The following SMYD3 variants were observed in gnomAD, a reference collection of about 807,000 sequenced individuals.
SMYD3 encodes histone-lysine N-methyltransferase SMYD3.
Under a neutral mutation model 57.7 loss-of-function variants are expected in SMYD3, and 36 were observed. That is an observed-to-expected ratio of 0.62 (90% CI 0.48 to 0.82). SMYD3 has a LOEUF of 0.82. SMYD3 is among the 40% of genes least tolerant of loss of function. The pLI is 0.00. For missense variants in SMYD3, 515 were observed against 538.8 expected (o/e 0.96, Z 0.44); for synonymous variants, 211 against 195.0 (o/e 1.08, Z -0.68).
At chr1:245,985,525 G>A (rs558865085) in intron 5 of SMYD3, among the ~76,000 whole-genome samples, 24 of 151,962 alleles carry the variant, frequency 1.6e-4, no homozygotes, top group Non-Finnish European at 2.8e-4. Context: ...ATGTCCTTAC[G>A]TCTCAAGCAC....
chr1:246,306,277 G>T (rs1191639627), intron 5 of SMYD3, among the ~76,000 whole-genome samples: 7 of 151,696 alleles, frequency 4.6e-5, no homozygotes, highest in Admixed American at 4.6e-4. Context: ...AGCCCAGGAG[G>T]CAGAGGTTGC....
rs1257084948 is a variant in SMYD3, at chr1:246,340,142, A to AT, written c.229-4669dup. Among the ~76,000 whole-genome samples the AT allele has an allele frequency of 2.6e-5, 4 of 151,852 alleles. No individual in the cohort carries two copies. The East Asian group carries it at 7.7e-4, about 29-fold the overall frequency. On this transcript the variant is annotated intron_variant, in intron 2 of 11. Coordinates refer to ENST00000490107, the MANE Select transcript of SMYD3 (RefSeq NM_001167740.2). ...ACAATTCTATAATTATCATTGAACT[A>AT]TTGTTCTATAGAAATAAATATTGTA... is the stretch of plus-strand genomic sequence containing the variant.
intron 10 of SMYD3, among the ~76,000 whole-genome samples, chr1:245,786,220 G>GGGC (rs1553321396): frequency 6.8e-6 from 1 of 146,540 alleles, no homozygotes; most frequent in Non-Finnish European, 1.5e-5. Context: ...GGACGGGGGG[G>GGGC]GGATGGTGGC....
chr1:246,365,046 A>G (rs1245693826), intron 1 of SMYD3, among the ~76,000 whole-genome samples: 1 of 152,198 alleles, frequency 6.6e-6, no homozygotes, highest in Non-Finnish European at 1.5e-5. Flanking sequence ...TAAAGCCAAT[A>G]CACAGTGACA....
At chr1:246,339,081 T>C (rs571136018) in intron 2 of SMYD3, among the ~76,000 whole-genome samples, 1 of 152,334 alleles carries the variant, frequency 6.6e-6, no homozygotes, top group African/African-American at 2.4e-5. Context: ...GAGCTCGTTT[T>C]TACATAATCC....
At chr1:246,016,310 C>T (rs1019927768) in intron 5 of SMYD3, among the ~76,000 whole-genome samples, 11 of 151,616 alleles carry the variant, frequency 7.3e-5, no homozygotes, top group Admixed American at 2.0e-4. Context: ...TGGCTGGGCG[C>T]GGTGGCTCAT....
intron 2 of SMYD3, among the ~76,000 whole-genome samples, chr1:246,336,932 A>C (rs2065553151): frequency 6.6e-6 from 1 of 152,232 alleles, no homozygotes; most frequent in Admixed American, 6.5e-5. Context: ...AACTGACAGA[A>C]AGTAAAAACA....
intron 5 of SMYD3, chr1:246,111,417 A>G (rs2061239203): frequency 6.6e-6 from 1 of 152,228 alleles, no homozygotes; most frequent in South Asian, 2.1e-4. Context: ...TTTCCATGCT[A>G]CACAAGCAAG....
Position 246,434,406 on chromosome 1 carries a change from G to A in SMYD3, c.164+72648C>T, listed in dbSNP as rs922157423. 7.2e-5 allele frequency among the ~76,000 whole-genome samples: 11 copies of A among 152,280 alleles called. No individual in the cohort carries two copies. The South Asian group carries it at 8.3e-4, about 11-fold the overall frequency. ...CTGTGAATTTGTCTATTTGTCATCC[G>A]ACAAAGGTCTAATATCCAAAATCTA... On this transcript the variant is annotated intron_variant, in intron 1 of 11. Coordinates refer to ENST00000490107, the MANE Select transcript of SMYD3 (RefSeq NM_001167740.2).
chr1:245,982,043 T>C (rs1426733849), intron 5 of SMYD3, among the ~76,000 whole-genome samples: 3 of 152,244 alleles, frequency 2.0e-5, no homozygotes, highest in Admixed American at 6.5e-5. Context: ...GCTCTTTACA[T>C]AGCCCAGAGA....
At chr1:246,000,596 T>A (rs2059021222) in intron 5 of SMYD3, among the ~76,000 whole-genome samples, 2 of 152,156 alleles carry the variant, frequency 1.3e-5, no homozygotes, top group African/African-American at 4.8e-5. Flanking sequence ...CTTCTCTCTG[T>A]TTCCCCCTCC....
intron 1 of SMYD3, among the ~76,000 whole-genome samples, chr1:246,383,169 C>G (rs965001233): frequency 6.6e-6 from 1 of 152,210 alleles, no homozygotes; most frequent in Non-Finnish European, 1.5e-5. Context: ...CCTCAGGAGG[C>G]GGAAAGAAGG....
At chr1:246,420,086 C>A (rs1338900216) in intron 1 of SMYD3, among the ~76,000 whole-genome samples, 1 of 152,004 alleles carries the variant, frequency 6.6e-6, no homozygotes, top group East Asian at 1.9e-4. Flanking sequence ...GTAGTCCCAG[C>A]TACTCGGGAG....
intron 5 of SMYD3, among the ~76,000 whole-genome samples, chr1:246,283,554 C>T (rs1017867690): frequency 7.9e-5 from 12 of 152,202 alleles, no homozygotes; most frequent in African/African-American, 2.2e-4. Flanking sequence ...GCATAAATAA[C>T]GTCCTCATTC....
chr1:246,114,193 G>A (rs34294155), intron 5 of SMYD3, among the ~76,000 whole-genome samples: 23,643 of 152,152 alleles, frequency 0.16, 3,419 homozygotes, highest in African/African-American at 0.39. Flanking sequence ...ATGTAATCAT[G>A]GAAATTGGAT....
rs766320282 is a variant in SMYD3 at position 245,827,678 on chromosome 1, A to T, written c.1076+30818T>A. 3.3e-5 allele frequency among the ~76,000 whole-genome samples: 5 copies of T among 152,172 alleles called. 1 individual carries two copies. The highest frequency in any genetic ancestry group is 7.3e-5 in the Non-Finnish European group (5 of 68,040). On this transcript the variant is annotated intron_variant, in intron 10 of 11. Transcript: ENST00000490107. The stretch of plus-strand genomic sequence containing the variant: ...TCCCCTTCCCATCCCACCACCTAAG[A>T]GTGTCCTGGAATTTGGCAGGGCACT...
At chr1:246,189,870 G>C (rs1357539004) in intron 5 of SMYD3, among the ~76,000 whole-genome samples, 1 of 152,132 alleles carries the variant, frequency 6.6e-6, no homozygotes, top group Admixed American at 6.6e-5. Context: ...ATTTGTATGT[G>C]CTTAGGAGAC....
intron 5 of SMYD3, among the ~76,000 whole-genome samples, chr1:246,049,341 G>A (rs2060023999): frequency 6.6e-6 from 1 of 151,788 alleles, no homozygotes; most frequent in South Asian, 2.1e-4. Flanking sequence ...CTGTCGCCCA[G>A]GCTGGAGTGC....
At chr1:246,060,783 A>G (rs34718543) in intron 5 of SMYD3, among the ~76,000 whole-genome samples, 37,970 of 152,096 alleles carry the variant, frequency 0.25, 5,302 homozygotes, top group East Asian at 0.39. Context: ...TTTCTAAGCC[A>G]GCCCATCAAA....
Sources: allele counts gnomAD v4.1 joint callset (sites outside exome capture counted in the v4.1 genomes callset), GRCh38; gene constraint gnomAD v4.1.1; transcripts MANE v1.5; gene names NCBI Gene and HGNC (gene_info 2026-07-23, HGNC 2026-07-21).